FYCO1: variants seen among roughly 807,000 people sequenced by gnomAD.
The protein encoded by FYCO1 is FYVE and coiled-coil domain-containing protein 1.
Under a neutral mutation model 165.1 loss-of-function variants are expected in FYCO1, and 122 were observed. The observed-to-expected ratio is 0.74, with a 90% CI of 0.64 to 0.86. The LOEUF is 0.86. Ranked by LOEUF, FYCO1 falls within the 40% of genes least tolerant of loss-of-function variation. The pLI, the probability that FYCO1 is intolerant of heterozygous loss-of-function variation, is 0.00. For synonymous variants in FYCO1, 648 were observed against 742.5 expected (o/e 0.87, Z 2.07); for missense variants, 1,702 against 1,810.3 (o/e 0.94, Z 1.09).
intron 8 of FYCO1, among the ~76,000 whole-genome samples, chr3:45,965,932 G>A (rs1340076952): frequency 1.3e-5 from 2 of 152,242 alleles, no homozygotes; most frequent in Admixed American, 6.5e-5. Context: ...AGGTGAGGAC[G>A]CAGGCTTTCA....
intron 16 of FYCO1, among the ~76,000 whole-genome samples, chr3:45,928,944 T>C (rs1703456651): frequency 6.6e-6 from 1 of 152,240 alleles, no homozygotes; most frequent in Non-Finnish European, 1.5e-5. Context: ...CAATAAATGG[T>C]TGCAAATACA....
rs1424845829 is a variant in FYCO1 at position 45,981,619 on chromosome 3, T to C, written c.113A>G (p.Asp38Gly). The C allele has an allele frequency of 6.2e-7, 1 of 1,613,946 alleles. No homozygotes were observed. The highest frequency in any genetic ancestry group is 8.5e-7 in the Non-Finnish European group (1 of 1,179,900). ...AGAAAATTTATGCAAGCTGGTGCTGTCATCCGTGATGGGTTCCCCTGCTTC... is the reference window on the plus strand; with the variant it reads ...AGAAAATTTATGCAAGCTGGTGCTGCCATCCGTGATGGGTTCCCCTGCTTC... ...FQEAGEPITD[D>G]STSLHKFSYK... Residue 38 changes from aspartate to glycine, a missense_variant, in exon 3 of 18, where the codon GAC (aspartate) becomes GGC (glycine). By Grantham distance (94) the Asp-to-Gly change is moderately conservative. Transcript: ENST00000296137.
chr3:45,976,068 C>A (rs1341758829), intron 4 of FYCO1, among the ~76,000 whole-genome samples: 1 of 152,104 alleles, frequency 6.6e-6, no homozygotes, highest in South Asian at 2.1e-4. Flanking sequence ...AGGGGTGAGA[C>A]CAGGGGTGTC....
chr3:45,960,184 A>G (rs1559455856), intron 11 of FYCO1, among the ~76,000 whole-genome samples: 1 of 152,326 alleles, frequency 6.6e-6, no homozygotes, highest in East Asian at 1.9e-4. Flanking sequence ...AGGCTTCCTC[A>G]GGGATACTAA....
chr3:45,963,018 T>C (rs1217350191), intron 10 of FYCO1, among the ~76,000 whole-genome samples: 1 of 152,186 alleles, frequency 6.6e-6, no homozygotes. Flanking sequence ...CCATTTTTAA[T>C]GCAGCTATTT....
Position 45,968,626 on chromosome 3 carries a change from T to A in FYCO1, c.708A>T (p.Arg236=). The A allele has an allele frequency of 6.2e-7, 1 of 1,614,170 alleles. No homozygotes were observed. The change falls in exon 8 of 18, where the codon CGA becomes CGT. Residue 236 remains arginine, a synonymous_variant. Coordinates refer to ENST00000296137, the MANE Select transcript of FYCO1 (RefSeq NM_024513.4). Reference sequence around the variant, plus strand: ...GCACCTCCAACTGGTCCAGCTCTAGTCGCATCTCATCAAAGCCCTCCAATG... The same window carrying A: ...GCACCTCCAACTGGTCCAGCTCTAGACGCATCTCATCAAAGCCCTCCAATG... ...NEALEGFDEM[R]LELDQLEVRE... is the part of the protein sequence containing the mutation.
chr3:45,955,107 C>T, intron 14 of FYCO1, 142 bp downstream of exon 14: 1 of 1,008,084 alleles, frequency 9.9e-7, no homozygotes, highest in African/African-American at 1.6e-5. Context: ...CGATGCTCTT[C>T]AAGGCCATCG....
chr3:45,985,909 T>C (rs1174236248), intron 1 of FYCO1, among the ~76,000 whole-genome samples: 2 of 152,232 alleles, frequency 1.3e-5, no homozygotes, highest in Non-Finnish European at 2.9e-5. Flanking sequence ...AGATATCCAG[T>C]GCAAGGTTGT....
At chr3:45,976,939 G>GGCA (rs1440080226) in intron 4 of FYCO1, among the ~76,000 whole-genome samples, 1 of 152,194 alleles carries the variant, frequency 6.6e-6, no homozygotes, top group East Asian at 1.9e-4. Context: ...AGTGAAGGCA[G>GGCA]GCAGCAGCCT....
In FYCO1 at chr3:45,967,091, G is replaced by C. The variant is rs1272399167; in HGVS notation, c.2243C>G (p.Thr748Arg). 1 of 1,613,948 alleles carries C rather than the reference G, an allele frequency of 6.2e-7. No homozygotes were observed. The highest frequency in any genetic ancestry group is 1.1e-5 in the South Asian group (1 of 91,080). ...AACTCCCTGTTGGCCTTTCTCTGCT[G>C]TGAGGACCTCAATCAGCTGGGTCTG... ...QQQTQLIEVL[T>R]AEKGQQGVGP... The change falls in exon 8 of 18, where the codon ACA becomes AGA. Residue 748 changes from threonine to arginine, a missense_variant. Transcript: ENST00000296137.
rs756308534 is a variant in FYCO1, at chr3:45,968,147, G to C, written c.1187C>G (p.Ala396Gly). The change falls in exon 8 of 18, where the codon GCG becomes GGG. Residue 396 changes from alanine to glycine, a missense_variant. By Grantham distance (60) the Ala-to-Gly change is moderately conservative (BLOSUM62 0). Coordinates refer to ENST00000296137, the MANE Select transcript of FYCO1 (RefSeq NM_024513.4). ...KGRQEPIPSDAAQEMQELGEK... is the reference protein window; with the variant it reads ...KGRQEPIPSDGAQEMQELGEK... ...CCCTAGCTCCTGCATCTCCTGGGCC[G>C]CATCACTGGGAATAGGTTCTTGCCG... 4 of 1,614,102 alleles carry C rather than the reference G, an allele frequency of 2.5e-6. No individual in the cohort carries two copies. The highest frequency in any genetic ancestry group is 1.3e-5 in the African/African-American group (1 of 75,032).
In FYCO1 at chr3:45,921,738, T is replaced by C. The variant is rs751751912; in HGVS notation, c.*27A>G. The C allele has an allele frequency of 1.5e-5, 22 of 1,454,238 alleles. No individual in the cohort carries two copies. In the South Asian group the frequency reaches 2.2e-4, roughly 14 times the overall value. The allele number at this position is 1,454,238 out of a possible 1,614,324, so 90.1% of individuals were successfully genotyped here. On this transcript the variant is annotated 3_prime_UTR_variant, in exon 18 of 18. Transcript: ENST00000296137. ...GAGGAAGAGCAGTGTTTCCTGTGGA[T>C]GAAGTGAAGTTACTGAGGTGCTGAA...
intron 14 of FYCO1, among the ~76,000 whole-genome samples, chr3:45,950,370 G>T (rs1479211176): frequency 6.6e-6 from 1 of 152,190 alleles, no homozygotes; most frequent in Non-Finnish European, 1.5e-5. Context: ...CATCATCTGA[G>T]ATGTGGGGAA....
chr3:45,931,501 G>A (rs1181252319), intron 15 of FYCO1, among the ~76,000 whole-genome samples: 1 of 152,192 alleles, frequency 6.6e-6, no homozygotes, highest in Non-Finnish European at 1.5e-5. Context: ...GTCTAGGCAC[G>A]GAGGAGACAG....
intron 11 of FYCO1, among the ~76,000 whole-genome samples, chr3:45,959,963 T>C (rs1459114298): frequency 6.6e-6 from 1 of 152,198 alleles, no homozygotes; most frequent in African/African-American, 2.4e-5. Context: ...GCCCTTTATG[T>C]TTCTATGGTT....
At chr3:45,941,497 A>G (rs1704220848) in intron 14 of FYCO1, among the ~76,000 whole-genome samples, 1 of 152,260 alleles carries the variant, frequency 6.6e-6, no homozygotes, top group African/African-American at 2.4e-5. Flanking sequence ...CCTTAAAACA[A>G]TTAACACTAT....
chr3:45,969,713 T>G lies in FYCO1; in HGVS notation c.592A>C (p.Ser198Arg). 1 of 1,614,094 alleles carries G rather than the reference T, an allele frequency of 6.2e-7. No individual in the cohort carries two copies. The highest frequency in any genetic ancestry group is 1.3e-5 in the African/African-American group (1 of 75,050). The stretch of plus-strand genomic sequence containing the variant: ...CTCACCAAGCTGCTCATGCTGGAGC[T>G]GCGGCTAGGGGGTTTCCACAGGTAA... ...SAYLWKPPSR[S>R]SSMSSLVSSY... Residue 198 changes from serine to arginine, a missense_variant, in exon 7 of 18, where the codon AGC becomes CGC. By Grantham distance (110) the Ser-to-Arg change is moderately radical. Transcript: ENST00000296137.
intron 3 of FYCO1, among the ~76,000 whole-genome samples, chr3:45,980,981 T>C (rs760876390): frequency 3.9e-5 from 6 of 152,174 alleles, no homozygotes; most frequent in Non-Finnish European, 8.8e-5. Context: ...ATACCATCAA[T>C]ATGTTAAAAG....
chr3:45,943,130 C>A (rs770036958), intron 14 of FYCO1, among the ~76,000 whole-genome samples: 1 of 152,152 alleles, frequency 6.6e-6, no homozygotes, highest in Non-Finnish European at 1.5e-5. Flanking sequence ...CAGCATTGGC[C>A]CAGACCCTAA....
Sources: gnomAD v4.1 joint callset for allele counts (sites outside exome capture counted in the v4.1 genomes callset) on GRCh38, gnomAD v4.1.1 for gene constraint, MANE v1.5 for transcripts, NCBI Gene and HGNC (gene_info 2026-07-23, HGNC 2026-07-21) for gene names.